Variants in LRRC61 observed in about 807,000 individuals in gnomAD.
The protein encoded by LRRC61 is leucine rich repeat containing 61, also known as leucine-rich repeat-containing protein 61.
A neutral mutation model predicts 15.1 loss-of-function variants in LRRC61; 9 were observed. The observed-to-expected ratio is 0.60, with a 90% CI of 0.36 to 1.04. The LOEUF is 1.04. LRRC61 is among the 50% of genes least tolerant of loss of function. LRRC61 has a pLI of 0.01. For synonymous variants in LRRC61, 173 were observed against 158.6 expected, an observed-to-expected ratio of 1.09 and a Z score of -0.68; for missense variants, 344 against 335.6, an observed-to-expected ratio of 1.03 and a Z score of -0.20.
chr7:150,310,261 C>T, the LRRC61 span, among the ~76,000 whole-genome samples: 1 of 152,132 alleles, frequency 6.6e-6, no homozygotes, highest in Non-Finnish European at 1.5e-5. Flanking sequence ...GATACCTCTA[C>T]TTGTTCTCTG....
chr7:150,335,058 G>T lies in LRRC61; in HGVS notation c.-144-1660G>T, dbSNP rs1798246347. ...AAAAAAAAAAAAAAAAGAAAAAAAG[G>T]AGCCCCTGGCATACAGTCACCCAGC... is the stretch of plus-strand genomic sequence containing the variant. On this transcript the variant is annotated intron_variant, in intron 2 of 2. Coordinates refer to ENST00000359623, the MANE Select transcript of LRRC61 (RefSeq NM_001142928.2). This position sits in a 1 kb window ranked among gnomAD's most constrained non-coding sequence, Gnocchi z 4.3. Among the ~76,000 whole-genome samples the T allele has an allele frequency of 6.6e-6, 1 of 150,732 alleles. No homozygotes were observed. The highest frequency in any genetic ancestry group is 2.4e-5 in the African/African-American group (1 of 41,048).
At chr7:150,323,698 A>G (rs1478593936) in intron 1 of LRRC61, 138 bp downstream of exon 1, 1 of 456,248 alleles carries the variant, frequency 2.2e-6, no homozygotes, top group Non-Finnish European at 4.4e-6. Flanking sequence ...CTTCCGGAAC[A>G]GCCAGCCCTT....
chr7:150,320,700 T>A (rs1251877756), upstream of LRRC61, among the ~76,000 whole-genome samples: 1 of 152,146 alleles, frequency 6.6e-6, no homozygotes. Context: ...GAGGCAGAGG[T>A]TGCAGTGAGC....
At position 150,325,908 on chromosome 7, in the gene LRRC61, G is replaced by A. The variant is rs1797950373; in HGVS notation, c.-247G>A. On this transcript the variant is annotated 5_prime_UTR_variant, in exon 2 of 3. Transcript: ENST00000359623. ...ACTGTCATCCTAAAGTACTTCTGTG[G>A]AAGAGAACATGGTGGTGTCACTGTT... The A allele has an allele frequency of 6.5e-6, 1 of 152,688 alleles. No individual in the cohort carries two copies. Among genetic ancestry groups the A allele is most frequent in the Non-Finnish European group, 1.5e-5 (1 of 68,048 alleles). 9.5% of individuals were successfully genotyped at this position (152,688 alleles called of 1,614,324 possible).
At chr7:150,312,067 C>A in the LRRC61 span, among the ~76,000 whole-genome samples, 1 of 152,202 alleles carries the variant, frequency 6.6e-6, no homozygotes, top group Non-Finnish European at 1.5e-5. Flanking sequence ...CAGAAACCAA[C>A]GGATCTTATT....
rs117712631 is a variant in LRRC61, at chr7:150,329,474, G to A, written c.-145+3464G>A. On this transcript the variant is annotated intron_variant, in intron 2 of 2. Transcript: ENST00000359623. ...GGGTGAGTGTGGGAGCCGCAGGTCT[G>A]CAGCGGTCCCCCAGCCACACTCTCT... Among the ~76,000 whole-genome samples, 181 of 152,260 alleles carry A rather than the reference G, an allele frequency of 1.2e-3. 2 individuals are homozygous for A. The East Asian group carries it at 0.018, about 15-fold the overall frequency.
At position 150,331,039 on chromosome 7, in the gene LRRC61, C is replaced by G. The variant is rs549141225; in HGVS notation, c.-145+5029C>G. The G allele has an allele frequency of 8.1e-6, 13 of 1,612,166 alleles. No individual in the cohort carries two copies. The African/African-American group carries it at 1.1e-4, about 13-fold the overall frequency. Reference sequence around the variant, plus strand: ...GAGACCGTTGGAGCCCAGGATGACCCCCTGGCTTACTGGGAGAAGAAGCGA... The same window carrying G: ...GAGACCGTTGGAGCCCAGGATGACCGCCTGGCTTACTGGGAGAAGAAGCGA... On this transcript the variant is annotated intron_variant, in intron 2 of 2. Coordinates refer to ENST00000359623, the MANE Select transcript of LRRC61 (RefSeq NM_001142928.2).
the LRRC61 span, among the ~76,000 whole-genome samples, chr7:150,317,683 A>C: frequency 6.6e-6 from 1 of 152,218 alleles, no homozygotes; most frequent in African/African-American, 2.4e-5. Flanking sequence ...TTTTCCATTT[A>C]AGCATTATAC....
At position 150,323,368 on chromosome 7, in the gene LRRC61, C is replaced by T. The variant is rs3735175; in HGVS notation, c.-507C>T. On this transcript the variant is annotated 5_prime_UTR_variant, in exon 1 of 3. Coordinates refer to ENST00000359623, the MANE Select transcript of LRRC61 (RefSeq NM_001142928.2). ...GGCGCGTTCCGGGAGCTCAGGCCTG[C>T]GGCGCTGGGAGAAGCACGCTGGCCA... 77,380 of 289,344 alleles carry T rather than the reference C, an allele frequency of 0.27. 10,724 individuals carry two copies. Among genetic ancestry groups the T allele is most frequent in the East Asian group, 0.43 (2,704 of 6,284 alleles). The allele number at this position is 289,344 out of a possible 1,614,324, so 17.9% of individuals were successfully genotyped here.
chr7:150,337,164 T>G lies in LRRC61; in HGVS notation c.303T>G (p.Ser101Arg). Residue 101 changes from serine (S) to arginine (R), a missense_variant, in exon 3 of 3, where the codon AGT becomes AGG. Transcript: ENST00000359623. ...TGGCCACCTGTGAGAACTTGCAGAGTCTCAATGCCGCAGGCAACCTACTGG... is the reference window on the plus strand; with the variant it reads ...TGGCCACCTGTGAGAACTTGCAGAGGCTCAATGCCGCAGGCAACCTACTGG... ...EPLATCENLQ[S>R]LNAAGNLLAT... 1 of 1,609,824 alleles carries G rather than the reference T, an allele frequency of 6.2e-7. No individual in the cohort carries two copies.
In LRRC61 at chr7:150,337,426, C is replaced by T; in HGVS notation, c.565C>T (p.Pro189Ser). ...CAGCTCCTTGCGTCCCAGCTCCAGTCCAGGCCCCAGAGCCACCGAGGCCCA... is the reference window on the plus strand; with the variant it reads ...CAGCTCCTTGCGTCCCAGCTCCAGTTCAGGCCCCAGAGCCACCGAGGCCCA... ...LDSSLRPSSS[P>S]GPRATEAQPW... Residue 189 changes from proline to serine, a missense_variant, in exon 3 of 3, where the codon CCA (proline) becomes TCA (serine). Transcript: ENST00000359623. 1.2e-6 allele frequency: 2 copies of T among 1,605,276 alleles called. No homozygotes were observed. The highest frequency in any genetic ancestry group is 2.2e-5 in the South Asian group (2 of 91,076).
At chr7:150,310,170 C>G in the LRRC61 span, among the ~76,000 whole-genome samples, 1 of 152,162 alleles carries the variant, frequency 6.6e-6, no homozygotes, top group Non-Finnish European at 1.5e-5. Flanking sequence ...ACAGCCACAC[C>G]TCACTGCTGT....
chr7:150,328,620 C>T (rs977226992), intron 2 of LRRC61: 1 of 152,198 alleles, frequency 6.6e-6, no homozygotes, highest in Non-Finnish European at 1.5e-5. Flanking sequence ...AAATGAAGCC[C>T]CCTTTTCTCC....
chr7:150,332,260 GAGA>G (rs1798131680), intron 2 of LRRC61: 1 of 167,244 alleles, frequency 6.0e-6, no homozygotes, highest in Non-Finnish European at 1.5e-5. Flanking sequence ...GATTGGATGG[GAGA>G]AGAAGGAAGG....
rs547181702 is a variant in LRRC61, at chr7:150,333,929, G to T, written c.-144-2789G>T. On this transcript the variant is annotated intron_variant, in intron 2 of 2. Transcript: ENST00000359623. The surrounding 1 kb of genome is among the most constrained non-coding windows in gnomAD (Gnocchi z 4.3). ...GTCACTGACCCCCAAGAGAATGAGG[G>T]TTATGCACGACCCATCACCAAGACC... 1.1e-5 allele frequency: 11 copies of T among 985,332 alleles called. No individual in the cohort carries two copies. The East Asian group carries it at 9.1e-4, about 81-fold the overall frequency. 61.0% of individuals were successfully genotyped at this position (985,332 alleles called of 1,614,324 possible).
upstream of LRRC61, among the ~76,000 whole-genome samples, chr7:150,319,420 T>C (rs2129617575): frequency 6.6e-6 from 1 of 152,294 alleles, no homozygotes; most frequent in East Asian, 1.9e-4. Context: ...TTTCTCAGGC[T>C]GGTCTTGAAC....
chr7:150,333,858 C>T lies in LRRC61; in HGVS notation c.-144-2860C>T, dbSNP rs1798193849. On this transcript the variant is annotated intron_variant, in intron 2 of 2. Coordinates refer to ENST00000359623, the MANE Select transcript of LRRC61 (RefSeq NM_001142928.2). This position sits in a 1 kb window ranked among gnomAD's most constrained non-coding sequence, Gnocchi z 4.3. ...CCGGCTGGTTCTCAGTCCTACTGGG[C>T]TACCTGTTTGCAGTGTGCAGGTGAT... The T allele has an allele frequency of 1.0e-6, 1 of 978,124 alleles. No homozygotes were observed. Among genetic ancestry groups the T allele is most frequent in the Admixed American group, 6.1e-5 (1 of 16,262 alleles). The allele number at this position is 978,124 out of a possible 1,614,324, so 60.6% of individuals were successfully genotyped here.
At chr7:150,327,449 T>C (rs1312451222) in intron 2 of LRRC61, among the ~76,000 whole-genome samples, 1 of 152,088 alleles carries the variant, frequency 6.6e-6, no homozygotes, top group Non-Finnish European at 1.5e-5. Flanking sequence ...CACATAAAGC[T>C]TTGGTTTCTA....
rs1798367315 is a variant in LRRC61, at chr7:150,337,991, G to A, written c.*350G>A. ...GGCCAGCCTCCCGTCTCAGCTGTTG[G>A]GAGACAGTAGGCAGGCTGAGTGGCC... On this transcript the variant is annotated 3_prime_UTR_variant, in exon 3 of 3. Transcript: ENST00000359623. The A allele has an allele frequency of 4.8e-6, 2 of 416,238 alleles. No individual in the cohort carries two copies. The highest frequency in any genetic ancestry group is 2.4e-5 in the South Asian group (1 of 41,310). 25.8% of individuals were successfully genotyped at this position (416,238 alleles called of 1,614,324 possible). A position where few individuals can be genotyped will look rare whatever the true frequency, so the allele number is the denominator to read the frequency against.
Sources: gnomAD v4.1 joint callset for allele counts (sites outside exome capture counted in the v4.1 genomes callset) on GRCh38, gnomAD v4.1.1 for gene constraint, Gnocchi (gnomAD v3.1) non-coding constraint, MANE v1.5 for transcripts, NCBI Gene and HGNC (gene_info 2026-07-23, HGNC 2026-07-21) for gene names.